Variants in TTC28 observed in about 807,000 individuals in gnomAD.
The protein encoded by TTC28 is tetratricopeptide repeat domain 28.
Under a neutral mutation model 198.0 loss-of-function variants are expected in TTC28, and 61 were observed. The observed-to-expected ratio is 0.31, with a 90% CI of 0.25 to 0.38. TTC28 has a LOEUF of 0.38. Ranked by LOEUF, TTC28 falls within the 10% of genes least tolerant of loss-of-function variation. TTC28 has a pLI of 1.00. For missense variants in TTC28, 2,678 were observed against 3,164.0 expected, an observed-to-expected ratio of 0.85 and a Z score of 3.69; for synonymous variants, 1,171 against 1,297.8, an observed-to-expected ratio of 0.90 and a Z score of 2.10.
chr22:28,210,302 T>A (rs939268826), intron 5 of TTC28, among the ~76,000 whole-genome samples: 1 of 152,090 alleles, frequency 6.6e-6, no homozygotes, highest in South Asian at 2.1e-4. Flanking sequence ...CTTTGACAAA[T>A]AGACAGAAGT....
chr22:28,067,507 CCCATCATAAG>C (rs1940805938), intron 12 of TTC28, among the ~76,000 whole-genome samples: 2 of 152,174 alleles, frequency 1.3e-5, no homozygotes, highest in Non-Finnish European at 2.9e-5. Flanking sequence ...AAACTTGGTG[CCCATCATAAG>C]ACGAACACTA....
chr22:28,625,471 T>C (rs1227838864), intron 2 of TTC28, among the ~76,000 whole-genome samples: 1 of 152,038 alleles, frequency 6.6e-6, no homozygotes, highest in African/African-American at 2.4e-5. Context: ...CCAAAATACT[T>C]AGAAACAAAT....
At chr22:28,468,862 T>C (rs1190921780) in intron 2 of TTC28, among the ~76,000 whole-genome samples, 1 of 151,960 alleles carries the variant, frequency 6.6e-6, no homozygotes, top group African/African-American at 2.4e-5. Context: ...CGGGTTACAA[T>C]TATAAGACTG....
chr22:28,154,008 C>CAGAG (rs149221703), intron 6 of TTC28, among the ~76,000 whole-genome samples: 4 of 150,470 alleles, frequency 2.7e-5, no homozygotes, highest in Admixed American at 2.0e-4. Flanking sequence ...TCACCTTCAT[C>CAGAG]AGAGAGAGAG....
chr22:28,207,622 T>G (rs553547679), intron 5 of TTC28, among the ~76,000 whole-genome samples: 1 of 152,256 alleles, frequency 6.6e-6, no homozygotes, highest in Non-Finnish European at 1.5e-5. Context: ...GAAAAAGATT[T>G]TTCTAAACTC....
At chr22:28,355,637 T>G (rs950185313) in intron 2 of TTC28, among the ~76,000 whole-genome samples, 5 of 152,242 alleles carry the variant, frequency 3.3e-5, no homozygotes, top group African/African-American at 1.2e-4. Flanking sequence ...ATAAATATTC[T>G]ATTAAAGTGG....
intron 5 of TTC28, among the ~76,000 whole-genome samples, chr22:28,181,779 A>G (rs143717317): frequency 6.6e-6 from 1 of 152,298 alleles, no homozygotes; most frequent in African/African-American, 2.4e-5. Flanking sequence ...CTATCTATTT[A>G]GGAAGACGTT....
At chr22:28,277,447 T>C (rs1178101211) in intron 5 of TTC28, among the ~76,000 whole-genome samples, 1 of 152,228 alleles carries the variant, frequency 6.6e-6, no homozygotes, top group East Asian at 1.9e-4. Context: ...GGAAGGGCAT[T>C]GTTCTACAAA....
rs543615758 is a variant in TTC28 at position 28,233,336 on chromosome 22, G to A, written c.933+62862C>T. Among the ~76,000 whole-genome samples, 17 of 151,998 alleles carry A rather than the reference G, an allele frequency of 1.1e-4. 1 individual carries two copies. The South Asian group carries it at 1.2e-3, about 11-fold the overall frequency. On this transcript the variant is annotated intron_variant, in intron 5 of 22. Transcript: ENST00000397906. The stretch of plus-strand genomic sequence containing the variant: ...TTTAAATTTGACCATATATCTTCAC[G>A]TAATTTTGCTCATATTTTAATTATT...
chr22:27,994,949 C>T (rs1309421435), intron 17 of TTC28, among the ~76,000 whole-genome samples: 1 of 152,152 alleles, frequency 6.6e-6, no homozygotes, highest in Non-Finnish European at 1.5e-5. Flanking sequence ...CCTCCCAGCA[C>T]CCTGGGTGTT....
At chr22:28,421,511 T>C (rs536089640) in intron 2 of TTC28, among the ~76,000 whole-genome samples, 105 of 152,308 alleles carry the variant, frequency 6.9e-4, no homozygotes, top group Admixed American at 1.3e-3. Flanking sequence ...AATGTTGTCT[T>C]TCCATATATG....
chr22:28,266,945 T>C (rs906901240), intron 5 of TTC28, among the ~76,000 whole-genome samples: 12 of 151,020 alleles, frequency 7.9e-5, no homozygotes, highest in African/African-American at 2.9e-4. Flanking sequence ...ACGTGAGTTA[T>C]ATGCACAAAA....
chr22:28,592,404 AC>A (rs1287890740), intron 2 of TTC28, among the ~76,000 whole-genome samples: 1 of 152,116 alleles, frequency 6.6e-6, no homozygotes, highest in East Asian at 1.9e-4. Flanking sequence ...TAATCCTAGC[AC>A]TTTGGGAGGC....
intron 2 of TTC28, among the ~76,000 whole-genome samples, chr22:28,560,807 G>T (rs1003102773): frequency 6.6e-6 from 1 of 152,058 alleles, no homozygotes; most frequent in Non-Finnish European, 1.5e-5. Flanking sequence ...ACCCAGGCTG[G>T]AGTGCAGTGG....
chr22:28,416,889 T>A (rs1450291235), intron 2 of TTC28, among the ~76,000 whole-genome samples: 1 of 152,188 alleles, frequency 6.6e-6, no homozygotes, highest in Non-Finnish European at 1.5e-5. Context: ...ACTGAGTACT[T>A]CATCTCTATA....
chr22:28,153,176 C>T (rs561545854), intron 6 of TTC28, among the ~76,000 whole-genome samples: 13 of 151,574 alleles, frequency 8.6e-5, no homozygotes, highest in Non-Finnish European at 1.3e-4. Flanking sequence ...TTCTTAAACC[C>T]TTGACTTAGA....
chr22:28,364,806 T>C (rs556342028), intron 2 of TTC28, among the ~76,000 whole-genome samples: 2 of 152,196 alleles, frequency 1.3e-5, no homozygotes, highest in South Asian at 4.1e-4. Context: ...AAATGAGGAG[T>C]TGCTTCTTAT....
rs1569008972 is a variant in TTC28, at chr22:28,537,297, A to AAC, written c.381+92254_381+92255insGT. Among the ~76,000 whole-genome samples, 5 of 98,248 alleles carry AAC rather than the reference A, an allele frequency of 5.1e-5. No individual in the cohort carries two copies. The East Asian group carries it at 6.6e-4, about 13-fold the overall frequency. 64.5% of individuals were successfully genotyped at this position (98,248 alleles called of 152,430 possible). A position where few individuals can be genotyped will look rare whatever the true frequency, so the allele number is the denominator to read the frequency against. On this transcript the variant is annotated intron_variant, in intron 2 of 22. Transcript: ENST00000397906. ...GACAGAGCCAGACTCCGTCTCAAAA[A>AAC]TAAAATAAAATAAAATAAAATAAAA...
chr22:28,644,857 CCAGTT>C (rs2051431043), intron 1 of TTC28, among the ~76,000 whole-genome samples: 1 of 151,670 alleles, frequency 6.6e-6, no homozygotes, highest in Non-Finnish European at 1.5e-5. Flanking sequence ...TTTAAATGCT[CCAGTT>C]CAGTGGGGCG....
Sources: allele counts gnomAD v4.1 joint callset (sites outside exome capture counted in the v4.1 genomes callset), GRCh38; gene constraint gnomAD v4.1.1; transcripts MANE v1.5; gene names NCBI Gene and HGNC (gene_info 2026-07-23, HGNC 2026-07-21).